CD2AP: variants seen among roughly 807,000 people sequenced by gnomAD.
The protein encoded by CD2AP is CD2 associated protein.
A neutral mutation model predicts 85.1 loss-of-function variants in CD2AP; 46 were observed. The ratio of observed to expected loss-of-function variants is 0.54; its 90% CI spans 0.43 to 0.69. CD2AP has a LOEUF of 0.69. Among genes scored for constraint, CD2AP ranks in the 30% least tolerant of loss-of-function variants. The pLI is 0.00. For synonymous variants in CD2AP, 255 were observed against 252.9 expected, an observed-to-expected ratio of 1.01 and a Z score of -0.08; for missense variants, 769 against 729.5, an observed-to-expected ratio of 1.05 and a Z score of -0.62.
intron 1 of CD2AP, among the ~76,000 whole-genome samples, chr6:47,495,466 A>C (rs1270870002): frequency 6.6e-6 from 1 of 152,192 alleles, no homozygotes; most frequent in Non-Finnish European, 1.5e-5. Context: ...CGCCTCCCGA[A>C]AGAGGAGAAT....
intron 2 of CD2AP, among the ~76,000 whole-genome samples, chr6:47,520,796 A>T (rs1239468495): frequency 7.3e-6 from 1 of 136,422 alleles, no homozygotes; most frequent in Non-Finnish European, 1.5e-5. Flanking sequence ...ATTGTCTAAG[A>T]GCTCTCTGTC....
chr6:47,503,147 A>G lies in CD2AP; in HGVS notation c.5-133A>G, dbSNP rs944886108. ...TAGCCAAATATTTAAAGTAATTGAA[A>G]TCAGCCTTGCTGATGTCTTTGTGGT... On this transcript the variant is annotated intron_variant, in intron 1 of 17. Coordinates refer to ENST00000359314, the MANE Select transcript of CD2AP (RefSeq NM_012120.3). 1.1e-5 allele frequency: 9 copies of G among 850,498 alleles called. No homozygotes were observed. In the African/African-American group the frequency reaches 1.2e-4, roughly 11 times the overall value. 52.7% of individuals were successfully genotyped at this position (850,498 alleles called of 1,614,324 possible).
At chr6:47,478,924 A>G (rs1044875759) in intron 1 of CD2AP, among the ~76,000 whole-genome samples, 3 of 152,086 alleles carry the variant, frequency 2.0e-5, no homozygotes, top group African/African-American at 7.2e-5. Flanking sequence ...TTGCCGGAGG[A>G]GAGAAAAATA....
At chr6:47,553,888 TTAAGC>T (rs1001559279) in intron 4 of CD2AP, among the ~76,000 whole-genome samples, 32 of 152,158 alleles carry the variant, frequency 2.1e-4, no homozygotes, top group African/African-American at 6.5e-4. Flanking sequence ...ATTATTATAC[TTAAGC>T]TAAGAATCAC....
chr6:47,561,975 T>C (rs1767874619), intron 5 of CD2AP, among the ~76,000 whole-genome samples: 1 of 152,180 alleles, frequency 6.6e-6, no homozygotes, highest in South Asian at 2.1e-4. Context: ...TTCACCGTGT[T>C]AGCCAAGATG....
intron 11 of CD2AP, among the ~76,000 whole-genome samples, chr6:47,586,847 A>G (rs1022189498): frequency 2.6e-5 from 4 of 152,214 alleles, no homozygotes; most frequent in African/African-American, 9.6e-5. Flanking sequence ...AAAACTTAAT[A>G]TAAAGTGTTG....
In CD2AP at chr6:47,614,899, CT is replaced by C. The variant is rs1167479125; in HGVS notation, c.1878+2365del. ...CTCCCATTTAAACTTAAGAGTTTATCTTAATTCTCCACTGGTGATTGGCAAT... is the reference window on the plus strand; with the variant it reads ...CTCCCATTTAAACTTAAGAGTTTATCTAATTCTCCACTGGTGATTGGCAAT... On this transcript the variant is annotated intron_variant, in intron 17 of 17. Coordinates refer to ENST00000359314, the MANE Select transcript of CD2AP (RefSeq NM_012120.3). Among the ~76,000 whole-genome samples the C allele has an allele frequency of 2.0e-5, 3 of 152,332 alleles. No individual in the cohort carries two copies. In the East Asian group the frequency reaches 5.8e-4, roughly 29 times the overall value.
At chr6:47,558,932 G>A (rs578037228) in intron 5 of CD2AP, among the ~76,000 whole-genome samples, 1 of 152,184 alleles carries the variant, frequency 6.6e-6, no homozygotes, top group Non-Finnish European at 1.5e-5. Flanking sequence ...GGTAGAGTTC[G>A]GCTATGAATC....
intron 2 of CD2AP, among the ~76,000 whole-genome samples, chr6:47,514,691 G>C (rs1305641643): frequency 6.6e-6 from 1 of 152,166 alleles, no homozygotes; most frequent in Non-Finnish European, 1.5e-5. Flanking sequence ...TGACTGAATG[G>C]CAGACATGTG....
chr6:47,534,488 C>T (rs1481350268), intron 3 of CD2AP, among the ~76,000 whole-genome samples: 1 of 152,102 alleles, frequency 6.6e-6, no homozygotes, highest in African/African-American at 2.4e-5. Flanking sequence ...AGGTGGATCA[C>T]CTGAGGTCAG....
At chr6:47,570,311 A>AGGCTCGATAGACAGATTTGCTGTTTG in intron 5 of CD2AP, among the ~76,000 whole-genome samples, 1 of 152,188 alleles carries the variant, frequency 6.6e-6, no homozygotes, top group South Asian at 2.1e-4. Flanking sequence ...GGGAGGGTTT[A>AGGCTCGATAGACAGATTTGCTGTTTG]GGCTCGATAG....
chr6:47,590,214 G>A (rs1183243237), intron 11 of CD2AP, among the ~76,000 whole-genome samples: 1 of 151,892 alleles, frequency 6.6e-6, no homozygotes, highest in African/African-American at 2.4e-5. Context: ...TAAAGTAACT[G>A]TGCTTAATAA....
Position 47,544,567 on chromosome 6 carries a change from C to A in CD2AP, c.320-39C>A, listed in dbSNP as rs1274586239. 2.4e-6 allele frequency: 3 copies of A among 1,266,876 alleles called. No homozygotes were observed. In the Admixed American group the frequency reaches 5.1e-5, roughly 21 times the overall value. The allele number at this position is 1,266,876 out of a possible 1,614,324, so 78.5% of individuals were successfully genotyped here. On this transcript the variant is annotated intron_variant, in intron 3 of 17. Transcript: ENST00000359314. ...TAAATATACTGTTTTTAAAAATGAT[C>A]ATTCTTAATCTAATTTCTTATTATG...
rs1447253252 is a variant in CD2AP, at chr6:47,505,782, C to T, written c.165+2342C>T. On this transcript the variant is annotated intron_variant, in intron 2 of 17. Coordinates refer to ENST00000359314, the MANE Select transcript of CD2AP (RefSeq NM_012120.3). ...GGCGCCCCTCACCTCCCGGACGGGGCGGCTGGCCGGGCGGGGGGCTGACCC... is the reference window on the plus strand; with the variant it reads ...GGCGCCCCTCACCTCCCGGACGGGGTGGCTGGCCGGGCGGGGGGCTGACCC... Among the ~76,000 whole-genome samples the T allele has an allele frequency of 1.8e-4, 17 of 95,264 alleles. No individual in the cohort carries two copies. In the South Asian group the frequency reaches 2.0e-3, roughly 11 times the overall value. The allele number at this position is 95,264 out of a possible 152,430, so 62.5% of individuals were successfully genotyped here.
rs185617450 is a variant in CD2AP at position 47,584,646 on chromosome 6, C to T, written c.1108+2581C>T. ...CATGTACTTTCCTAGCTTTATCTTTCGTTTTACTTTCAAAATGGAAGTTTT... is the reference window on the plus strand; with the variant it reads ...CATGTACTTTCCTAGCTTTATCTTTTGTTTTACTTTCAAAATGGAAGTTTT... On this transcript the variant is annotated intron_variant, in intron 11 of 17. Coordinates refer to ENST00000359314, the MANE Select transcript of CD2AP (RefSeq NM_012120.3). Among the ~76,000 whole-genome samples, 5 of 152,068 alleles carry T rather than the reference C, an allele frequency of 3.3e-5. 1 individual carries two copies. The East Asian group carries it at 7.7e-4, about 23-fold the overall frequency.
At chr6:47,581,761 G>A (rs1768484887) in intron 10 of CD2AP, among the ~76,000 whole-genome samples, 1 of 152,144 alleles carries the variant, frequency 6.6e-6, no homozygotes, top group Non-Finnish European at 1.5e-5. Flanking sequence ...CTGCAGTACG[G>A]TAGAGGATAT....
In CD2AP at chr6:47,624,677, C is replaced by CTGTGTGTG. The variant is rs886061523; in HGVS notation, c.*451_*452insGTGTGTGT. The CTGTGTGTG allele has an allele frequency of 2.8e-5, 3 of 106,078 alleles. No homozygotes were observed. The highest frequency in any genetic ancestry group is 9.6e-5 in the Admixed American group (1 of 10,402). The allele number at this position is 106,078 out of a possible 1,614,324, so 6.6% of individuals were successfully genotyped here. A position where few individuals can be genotyped will look rare whatever the true frequency, so the allele number is the denominator to read the frequency against. On this transcript the variant is annotated 3_prime_UTR_variant, in exon 18 of 18. Coordinates refer to ENST00000359314, the MANE Select transcript of CD2AP (RefSeq NM_012120.3). ...TTCCATAATGCATAAGGGATATAAACTCTGTGTGTGTGTGTGTGTGTGTGT... is the reference window on the plus strand; with the variant it reads ...TTCCATAATGCATAAGGGATATAAACTGTGTGTGTCTGTGTGTGTGTGTGTGTGTGTGT...
At chr6:47,534,307 T>G (rs1766968859) in intron 3 of CD2AP, among the ~76,000 whole-genome samples, 1 of 152,090 alleles carries the variant, frequency 6.6e-6, no homozygotes, top group Admixed American at 6.6e-5. Flanking sequence ...AACTGTTGAG[T>G]TTTATTTGCT....
At chr6:47,579,334 T>TAAAAAAA in intron 8 of CD2AP, 51 bp from the exon 9 acceptor site, 4 of 802,502 alleles carry the variant, frequency 5.0e-6, no homozygotes, top group South Asian at 1.5e-5. Context: ...CACTTTATCT[T>TAAAAAAA]AAAAAAAAAA....
Sources: allele counts gnomAD v4.1 joint callset (sites outside exome capture counted in the v4.1 genomes callset), GRCh38; gene constraint gnomAD v4.1.1; transcripts MANE v1.5; gene names NCBI Gene and HGNC (gene_info 2026-07-23, HGNC 2026-07-21).